The following GNPTG variants were observed in gnomAD, a reference collection of about 807,000 sequenced individuals.
The protein encoded by GNPTG is N-acetylglucosamine-1-phosphotransferase subunit gamma.
GNPTG carries 46 observed loss-of-function variants against 43.8 expected under a neutral mutation model. The observed-to-expected ratio is 1.05, with a 90% CI of 0.83 to 1.34. The LOEUF (loss-of-function observed/expected upper bound fraction) is 1.34. GNPTG is among the 40% of genes most tolerant of loss of function. The pLI is 0.00. For missense variants in GNPTG, 549 were observed against 411.3 expected (o/e 1.33, Z -2.90); for synonymous variants, 250 against 172.8 (o/e 1.45, Z -3.50).
chr16:1,362,668 G>A lies in GNPTG; in HGVS notation c.667G>A (p.Glu223Lys), dbSNP rs750155751. ...FEDAGYLKTP[E>K]ENEPTQLEGG... ...GGATGCTGGCTACTTAAAGACCCCAGAAGAAAATGAACCCACCCAGCTGGA... is the reference window on the plus strand; with the variant it reads ...GGATGCTGGCTACTTAAAGACCCCAAAAGAAAATGAACCCACCCAGCTGGA... The change falls in exon 9 of 11, where the codon GAA becomes AAA. Residue 223 changes from glutamate to lysine, a missense_variant. Physicochemically the swap from Glu to Lys is moderately conservative, Grantham distance 56. Coordinates refer to ENST00000204679, the MANE Select transcript of GNPTG (RefSeq NM_032520.5). The A allele has an allele frequency of 1.9e-6, 3 of 1,614,104 alleles. No homozygotes were observed. Among genetic ancestry groups the A allele is most frequent in the East Asian group, 2.2e-5 (1 of 44,882 alleles).
intron 3 of GNPTG, among the ~76,000 whole-genome samples, chr16:1,360,219 T>C (rs375227448): frequency 3.5e-4 from 53 of 152,354 alleles, no homozygotes; most frequent in African/African-American, 1.3e-3. Flanking sequence ...TATCAATGTA[T>C]AACATCTTTG....
rs564853174 is a variant in GNPTG at position 1,352,092 on chromosome 16, C to A, written c.53-10C>A. ...CCCGGCCTCCCCGCTCACGGTCTCG[C>A]TCCCCGTAGGGCCCGCGCCGGCAGG... On this transcript the variant is annotated splice_polypyrimidine_tract_variant and intron_variant, in intron 1 of 10. Transcript: ENST00000204679. 30 of 1,562,812 alleles carry A rather than the reference C, an allele frequency of 1.9e-5. No individual in the cohort carries two copies. The African/African-American group carries it at 3.3e-4, about 17-fold the overall frequency.
rs367672512 is a variant in GNPTG at position 1,362,514 on chromosome 16, G to A, written c.589G>A (p.Asp197Asn). 50 of 1,614,038 alleles carry A rather than the reference G, an allele frequency of 3.1e-5. No individual in the cohort carries two copies. Among genetic ancestry groups the A allele is most frequent in the South Asian group, 9.9e-5 (9 of 91,094 alleles). The change falls in exon 8 of 11, where the codon GAT becomes AAT. Residue 197 changes from aspartate to asparagine, a missense_variant. Coordinates refer to ENST00000204679, the MANE Select transcript of GNPTG (RefSeq NM_032520.5). ...QWDQVEQDLA[D>N]ELITPQGHEK... The stretch of plus-strand genomic sequence containing the variant: ...GGACCAGGTAGAGCAGGACCTGGCC[G>A]ATGAGCTGATCACCCCCCAGGTAAG...
intron 3 of GNPTG, chr16:1,352,613 T>G: frequency 2.4e-6 from 1 of 412,610 alleles, no homozygotes; most frequent in Non-Finnish European, 4.5e-6. Context: ...ATAGTTTTTG[T>G]AATCTAATCG....
At chr16:1,357,997 G>A (rs1029089809) in intron 3 of GNPTG, among the ~76,000 whole-genome samples, 15 of 151,986 alleles carry the variant, frequency 9.9e-5, no homozygotes, top group African/African-American at 4.8e-5. Context: ...AGGATGGCCC[G>A]TGGCTGACAG....
Position 1,363,344 on chromosome 16 carries a change from A to C in GNPTG, c.*253A>C. On this transcript the variant is annotated 3_prime_UTR_variant, in exon 11 of 11. Transcript: ENST00000204679. ...CAGTTCGCTACAAGTAAATGATTATAAATACTACCTTCTGGGTTAAGAAAA... is the reference window on the plus strand; with the variant it reads ...CAGTTCGCTACAAGTAAATGATTATCAATACTACCTTCTGGGTTAAGAAAA... 5 of 496,252 alleles carry C rather than the reference A, an allele frequency of 1.0e-5. No homozygotes were observed. Among genetic ancestry groups the C allele is most frequent in the Non-Finnish European group, 1.8e-5 (5 of 272,406 alleles). The allele number at this position is 496,252 out of a possible 1,614,324, so 30.7% of individuals were successfully genotyped here.
At chr16:1,357,380 G>A (rs1306960495) in intron 3 of GNPTG, among the ~76,000 whole-genome samples, 5 of 152,308 alleles carry the variant, frequency 3.3e-5, no homozygotes, top group South Asian at 2.1e-4. Flanking sequence ...TCTGCCCTCC[G>A]GGGGCGGGGG....
At chr16:1,355,418 G>A (rs537704529) in intron 3 of GNPTG, among the ~76,000 whole-genome samples, 1 of 152,236 alleles carries the variant, frequency 6.6e-6, no homozygotes, top group East Asian at 1.9e-4. Flanking sequence ...GAAGGTCCCC[G>A]CAGAAGAGTG....
intron 3 of GNPTG, 196 bp downstream of exon 3, chr16:1,352,502 C>T (rs913141852): frequency 4.6e-6 from 3 of 646,782 alleles, no homozygotes; most frequent in African/African-American, 3.6e-5. Flanking sequence ...CAGACTTAGT[C>T]CTTCCTTTCC....
At chr16:1,352,473 T>G in intron 3 of GNPTG, 167 bp downstream of exon 3, 1 of 725,104 alleles carries the variant, frequency 1.4e-6, no homozygotes. Context: ...AACGTTCTTG[T>G]AGCGAATTAA....
At position 1,362,361 on chromosome 16, in the gene GNPTG, G is replaced by A. The variant is rs76695056; in HGVS notation, c.526+41G>A. On this transcript the variant is annotated intron_variant, in intron 7 of 10. Transcript: ENST00000204679. The stretch of plus-strand genomic sequence containing the variant: ...GCAGTTGAGCCCAGTGGGGTCAGCC[G>A]CGCACGCAGCCCTGCTGGAGGCCCT... The A allele has an allele frequency of 1.4e-3, 2,310 of 1,608,854 alleles. 44 individuals are homozygous for A. The African/African-American group carries it at 0.027, about 19-fold the overall frequency.
chr16:1,355,059 C>T (rs1313484515), intron 3 of GNPTG, among the ~76,000 whole-genome samples: 2 of 151,794 alleles, frequency 1.3e-5, no homozygotes, highest in Non-Finnish European at 2.9e-5. Flanking sequence ...GGATGGTCTG[C>T]CGCGTCTGCG....
rs748243075 is a variant in GNPTG, at chr16:1,351,990, C to T, written c.25C>T (p.Leu9=). The T allele has an allele frequency of 9.1e-6, 13 of 1,428,156 alleles. No homozygotes were observed. The South Asian group carries it at 1.6e-4, about 17-fold the overall frequency. 88.5% of individuals were successfully genotyped at this position (1,428,156 alleles called of 1,614,324 possible). A position where few individuals can be genotyped will look rare whatever the true frequency, so the allele number is the denominator to read the frequency against. Residue 9 remains leucine (L), a synonymous_variant, in exon 1 of 11, where the codon CTG becomes TTG. Transcript: ENST00000204679. ...GATGGCGGCGGGGCTGGCGCGGCTC[C>T]TGTTGCTCCTCGGGCTCTCGGCCGG... The part of the protein sequence containing the change: MAAGLARL[L]LLLGLSAGGP...
intron 3 of GNPTG, among the ~76,000 whole-genome samples, chr16:1,356,792 G>A (rs1400399229): frequency 6.6e-6 from 1 of 152,108 alleles, no homozygotes; most frequent in Non-Finnish European, 1.5e-5. Context: ...GTGTCTGCCT[G>A]GGGCAAGCCT....
rs771424681 is a variant in GNPTG at position 1,361,846 on chromosome 16, C to A, written c.234-26C>A. ...GTGGGCTGGGGCGCAGCCTGCGGAC[C>A]CCCCTCATGCCATCTGTGTCCCCAG... On this transcript the variant is annotated intron_variant, in intron 4 of 10. Transcript: ENST00000204679. 16 of 1,613,866 alleles carry A rather than the reference C, an allele frequency of 9.9e-6. No individual in the cohort carries two copies. The East Asian group carries it at 3.3e-4, about 34-fold the overall frequency.
intron 3 of GNPTG, among the ~76,000 whole-genome samples, chr16:1,358,619 G>C (rs976776026): frequency 4.6e-5 from 7 of 152,112 alleles, no homozygotes; most frequent in African/African-American, 7.2e-5. Flanking sequence ...GAGTAGCTTT[G>C]CTGGATCTTA....
intron 3 of GNPTG, among the ~76,000 whole-genome samples, chr16:1,353,822 T>G (rs1437631990): frequency 6.6e-6 from 1 of 151,932 alleles, no homozygotes; most frequent in African/African-American, 2.4e-5. Flanking sequence ...GTCTAAGAAG[T>G]GACATTTCAG....
intron 6 of GNPTG, 34 bp from the exon 7 acceptor site, chr16:1,362,172 C>G (rs750858322): frequency 3.3e-5 from 53 of 1,613,084 alleles, no homozygotes; most frequent in Non-Finnish European, 4.1e-5. Context: ...GGGCCCCAGT[C>G]TCCCCAACCC....
rs1362294063 is a variant in GNPTG at position 1,358,701 on chromosome 16, C to T, written c.179-3042C>T. 2.0e-5 allele frequency among the ~76,000 whole-genome samples: 3 copies of T among 152,232 alleles called. No homozygotes were observed. In the East Asian group the frequency reaches 5.8e-4, roughly 29 times the overall value. On this transcript the variant is annotated intron_variant, in intron 3 of 10. Transcript: ENST00000204679. The stretch of plus-strand genomic sequence containing the variant: ...ATAGTGGCTGCACCGTTTCCCATTC[C>T]AGCCAGCATTGCACGAGGGGTCCAG...
Sources: allele counts gnomAD v4.1 joint callset (sites outside exome capture counted in the v4.1 genomes callset), GRCh38; gene constraint gnomAD v4.1.1; transcripts MANE v1.5; gene names NCBI Gene and HGNC (gene_info 2026-07-23, HGNC 2026-07-21).